TNKS: variants seen among roughly 807,000 people sequenced by gnomAD.
TNKS encodes the protein poly [ADP-ribose] polymerase tankyrase-1.
A neutral mutation model predicts 135.8 loss-of-function variants in TNKS; 72 were observed. The ratio of observed to expected loss-of-function variants is 0.53; its 90% CI spans 0.44 to 0.64. The LOEUF is 0.64. Among genes scored for constraint, TNKS ranks in the 30% least tolerant of loss-of-function variants. The pLI, the probability that TNKS is intolerant of heterozygous loss-of-function variation, is 0.00. For synonymous variants in TNKS, 849 were observed against 649.3 expected, an observed-to-expected ratio of 1.31 and a Z score of -4.68; for missense variants, 1,769 against 1,674.0, an observed-to-expected ratio of 1.06 and a Z score of -0.99.
chr8:9,716,300 A>T (rs1369554378), intron 11 of TNKS, among the ~76,000 whole-genome samples: 2 of 152,118 alleles, frequency 1.3e-5, no homozygotes, highest in Non-Finnish European at 2.9e-5. Flanking sequence ...TGATAAGTAG[A>T]TTGTTAGCGC....
intron 2 of TNKS, among the ~76,000 whole-genome samples, chr8:9,596,743 C>T (rs1326480387): frequency 6.6e-6 from 1 of 152,188 alleles, no homozygotes; most frequent in Non-Finnish European, 1.5e-5. Context: ...TACTGTGGTA[C>T]ACATAATCAT....
At chr8:9,692,597 G>C (rs1346486655) in intron 5 of TNKS, among the ~76,000 whole-genome samples, 1 of 152,206 alleles carries the variant, frequency 6.6e-6, no homozygotes, top group Non-Finnish European at 1.5e-5. Flanking sequence ...CAGGACCAGA[G>C]AGAAAGACTC....
intron 18 of TNKS, among the ~76,000 whole-genome samples, chr8:9,750,036 A>G (rs1563208505): frequency 6.6e-6 from 1 of 152,224 alleles, no homozygotes; most frequent in African/African-American, 2.4e-5. Context: ...AATCTTTTCA[A>G]GACAGGTCCC....
In TNKS at chr8:9,672,279, A is replaced by T. The variant is rs564933588; in HGVS notation, c.995-7672A>T. Among the ~76,000 whole-genome samples, 8 of 152,268 alleles carry T rather than the reference A, an allele frequency of 5.3e-5. No homozygotes were observed. In the South Asian group the frequency reaches 8.3e-4, roughly 16 times the overall value. On this transcript the variant is annotated intron_variant, in intron 3 of 26. Coordinates refer to ENST00000310430, the MANE Select transcript of TNKS (RefSeq NM_003747.3). The stretch of plus-strand genomic sequence containing the variant: ...GTACCGTCCGCAGTTTTAGGCATCC[A>T]CTTACATAATGGGGGACCTTGGAAT...
intron 11 of TNKS, among the ~76,000 whole-genome samples, chr8:9,717,821 A>T (rs13264850): frequency 0.58 from 88,658 of 151,922 alleles, 26,255 homozygotes; most frequent in Middle Eastern, 0.69. Context: ...ATTTATATTC[A>T]GAGGAATAAA....
At chr8:9,773,476 C>G (rs976698267) in intron 26 of TNKS, among the ~76,000 whole-genome samples, 6 of 152,050 alleles carry the variant, frequency 3.9e-5, no homozygotes, top group South Asian at 2.1e-4. Flanking sequence ...ATGGTTATCA[C>G]TGGGCATTAA....
At chr8:9,672,714 A>ACGC (rs1802351752) in intron 3 of TNKS, among the ~76,000 whole-genome samples, 1 of 123,700 alleles carries the variant, frequency 8.1e-6, no homozygotes, top group Non-Finnish European at 1.8e-5. Flanking sequence ...ACACACACAA[A>ACGC]AAAAAAAAAA....
At chr8:9,641,109 G>A (rs1800711066) in intron 3 of TNKS, among the ~76,000 whole-genome samples, 1 of 145,758 alleles carries the variant, frequency 6.9e-6, no homozygotes, top group East Asian at 2.1e-4. Flanking sequence ...ATTAAGTAAT[G>A]CACCCAATTT....
At chr8:9,609,586 C>A (rs1799370444) in intron 2 of TNKS, among the ~76,000 whole-genome samples, 1 of 152,186 alleles carries the variant, frequency 6.6e-6, no homozygotes, top group East Asian at 1.9e-4. Context: ...ACAATGACAG[C>A]TTCCATACAC....
intron 3 of TNKS, among the ~76,000 whole-genome samples, chr8:9,661,433 A>G (rs2128787783): frequency 6.6e-6 from 1 of 152,262 alleles, no homozygotes; most frequent in African/African-American, 2.4e-5. Flanking sequence ...AATGCCGCAT[A>G]TCTACAACTA....
intron 1 of TNKS, among the ~76,000 whole-genome samples, chr8:9,567,503 C>A (rs1797589010): frequency 6.6e-6 from 1 of 152,186 alleles, no homozygotes; most frequent in Non-Finnish European, 1.5e-5. Flanking sequence ...GCAAGCTCTG[C>A]CTCCCGGGTT....
At chr8:9,741,032 C>G (rs1805931433) in intron 17 of TNKS, 1 of 151,946 alleles carries the variant, frequency 6.6e-6, no homozygotes. Flanking sequence ...GAGATGATCT[C>G]TATCTCCTGA....
chr8:9,604,002 A>T (rs1312175036), intron 2 of TNKS, among the ~76,000 whole-genome samples: 1 of 152,206 alleles, frequency 6.6e-6, no homozygotes, highest in African/African-American at 2.4e-5. Flanking sequence ...TTCTAAAAAG[A>T]AATAAAAAGA....
At chr8:9,592,323 A>G (rs1284600848) in intron 2 of TNKS, among the ~76,000 whole-genome samples, 1 of 152,136 alleles carries the variant, frequency 6.6e-6, no homozygotes, top group Non-Finnish European at 1.5e-5. Context: ...GGATCAAAAG[A>G]CTCACAGATG....
intron 3 of TNKS, among the ~76,000 whole-genome samples, chr8:9,674,703 C>A (rs975000065): frequency 6.6e-6 from 1 of 151,936 alleles, no homozygotes; most frequent in African/African-American, 2.4e-5. Context: ...AAATATTGGA[C>A]AATGTAGAGA....
In TNKS at chr8:9,751,863, A is replaced by G. The variant is rs1235656065; in HGVS notation, c.3070+17A>G. 1.2e-6 allele frequency: 2 copies of G among 1,609,156 alleles called. No individual in the cohort carries two copies. Among genetic ancestry groups the G allele is most frequent in the African/African-American group, 1.3e-5 (1 of 74,828 alleles). On this transcript the variant is annotated intron_variant, in intron 19 of 26. Transcript: ENST00000310430. ...AAGGAGAAGGTGAGTAGACCCCATG[A>G]ATGCTTATTTATTTATACCTTTTGT...
chr8:9,584,434 T>C (rs1397093252), intron 2 of TNKS, among the ~76,000 whole-genome samples: 2 of 152,128 alleles, frequency 1.3e-5, no homozygotes, highest in Admixed American at 6.6e-5. Flanking sequence ...TAGTAAGGAA[T>C]CATATATAGC....
At chr8:9,744,280 A>G (rs1806123220) in intron 17 of TNKS, among the ~76,000 whole-genome samples, 1 of 152,240 alleles carries the variant, frequency 6.6e-6, no homozygotes, top group Non-Finnish European at 1.5e-5. Context: ...AATGGCATTG[A>G]TACTTATTAC....
At chr8:9,746,146 C>T in intron 17 of TNKS, among the ~76,000 whole-genome samples, 1 of 152,126 alleles carries the variant, frequency 6.6e-6, no homozygotes, top group Non-Finnish European at 1.5e-5. Flanking sequence ...CCAAGTTATG[C>T]CCAGAAATGT....
Sources: gnomAD v4.1 joint callset for allele counts (sites outside exome capture counted in the v4.1 genomes callset) on GRCh38, gnomAD v4.1.1 for gene constraint, MANE v1.5 for transcripts, NCBI Gene and HGNC (gene_info 2026-07-23, HGNC 2026-07-21) for gene names.